EYA1: variants seen among roughly 807,000 people sequenced by gnomAD.
EYA1 encodes the protein protein phosphatase EYA1.
In EYA1, 16 loss-of-function variants were observed where a neutral mutation model predicts 82.0. The observed-to-expected ratio is 0.20, with a 90% confidence interval of 0.13 to 0.30. The LOEUF is 0.30. Among genes scored for constraint, EYA1 ranks in the 10% least tolerant of loss-of-function variants. The probability of loss-of-function intolerance (pLI) is 1.00; values close to 1 mark genes in which losing one functional copy is unlikely to be tolerated. For missense variants in EYA1, 633 were observed against 730.7 expected (o/e 0.87, Z 1.54); for synonymous variants, 261 against 264.4 (o/e 0.99, Z 0.12).
intron 17 of EYA1, 45 bp downstream of exon 17, chr8:71,211,111 C>T (rs778483766): frequency 6.5e-6 from 8 of 1,239,200 alleles, no homozygotes; most frequent in Non-Finnish European, 8.4e-6. Context: ...ATACTGAGGA[C>T]TGAAAAAACA....
chr8:71,390,337 C>A (rs929363610), intron 2 of EYA1, among the ~76,000 whole-genome samples: 4 of 151,062 alleles, frequency 2.6e-5, no homozygotes, highest in African/African-American at 9.8e-5. Flanking sequence ...GTGGCACAAT[C>A]AGAGCTCACT....
At chr8:71,350,803 C>G (rs548491635) in intron 3 of EYA1, among the ~76,000 whole-genome samples, 1 of 152,240 alleles carries the variant, frequency 6.6e-6, no homozygotes, top group South Asian at 2.1e-4. Context: ...TATGAACTGA[C>G]CAATCTTAAG....
chr8:71,496,453 G>A (rs1232504860), intron 2 of EYA1, among the ~76,000 whole-genome samples: 1 of 152,122 alleles, frequency 6.6e-6, no homozygotes, highest in Non-Finnish European at 1.5e-5. Flanking sequence ...AATTAACTAT[G>A]AGCTGTAATT....
chr8:71,393,882 A>G (rs1332012257), intron 2 of EYA1, among the ~76,000 whole-genome samples: 1 of 152,174 alleles, frequency 6.6e-6, no homozygotes, highest in African/African-American at 2.4e-5. Context: ...GTCTTCCACA[A>G]TGGTTGAACC....
chr8:71,393,755 C>T (rs575110735), intron 2 of EYA1, among the ~76,000 whole-genome samples: 1 of 152,266 alleles, frequency 6.6e-6, no homozygotes, highest in African/African-American at 2.4e-5. Context: ...AATAAACATA[C>T]GTGTGCATGT....
At chr8:71,515,030 A>G (rs556151117) in intron 2 of EYA1, among the ~76,000 whole-genome samples, 107 of 152,272 alleles carry the variant, frequency 7.0e-4, no homozygotes, top group Non-Finnish European at 1.2e-3. Context: ...CACTAAACCT[A>G]TCTCAGATCT....
At chr8:71,211,930 C>T (rs1378480846) in intron 16 of EYA1, among the ~76,000 whole-genome samples, 1 of 152,150 alleles carries the variant, frequency 6.6e-6, no homozygotes, top group Non-Finnish European at 1.5e-5. Flanking sequence ...GAAGCACTTT[C>T]CTGGAGGAAA....
At chr8:71,210,038 C>T (rs569494480) in intron 17 of EYA1, among the ~76,000 whole-genome samples, 5 of 152,146 alleles carry the variant, frequency 3.3e-5, no homozygotes, top group Non-Finnish European at 7.3e-5. Flanking sequence ...TATATCTAAT[C>T]CTCAAACTAG....
At chr8:71,341,274 C>T (rs2129053439) in intron 3 of EYA1, among the ~76,000 whole-genome samples, 1 of 152,248 alleles carries the variant, frequency 6.6e-6, no homozygotes, top group Admixed American at 6.5e-5. Context: ...TAAAGCAACA[C>T]AATTATGCTG....
intron 2 of EYA1, among the ~76,000 whole-genome samples, chr8:71,472,788 GATAT>G (rs71264559): frequency 1.1e-3 from 134 of 126,828 alleles, no homozygotes; most frequent in African/African-American, 3.4e-3. Flanking sequence ...TAGCTTTGAA[GATAT>G]ATATATATAT....
At chr8:71,536,391 G>A (rs992478660) in intron 1 of EYA1, among the ~76,000 whole-genome samples, 3 of 152,184 alleles carry the variant, frequency 2.0e-5, no homozygotes, top group African/African-American at 4.8e-5. Context: ...ACAGTTTCAC[G>A]GATGATCAAG....
At chr8:71,469,728 C>A (rs1809042842) in intron 2 of EYA1, among the ~76,000 whole-genome samples, 2 of 152,190 alleles carry the variant, frequency 1.3e-5, no homozygotes, top group African/African-American at 2.4e-5. Flanking sequence ...GCCAGATATG[C>A]AAATATGGGC....
At chr8:71,340,162 A>G (rs1172257316) in intron 3 of EYA1, among the ~76,000 whole-genome samples, 1 of 152,196 alleles carries the variant, frequency 6.6e-6, no homozygotes, top group Non-Finnish European at 1.5e-5. Context: ...TAGGGTCTTC[A>G]GCAGGTTCTT....
chr8:71,445,684 T>C (rs1806818614), intron 2 of EYA1, among the ~76,000 whole-genome samples: 1 of 152,234 alleles, frequency 6.6e-6, no homozygotes, highest in Non-Finnish European at 1.5e-5. Context: ...TCGCCCAGGC[T>C]GGAGTGTGCA....
chr8:71,234,512 C>T (rs1004504931), intron 12 of EYA1, among the ~76,000 whole-genome samples: 2 of 152,166 alleles, frequency 1.3e-5, no homozygotes, highest in Non-Finnish European at 2.9e-5. Context: ...CCTCATCTTA[C>T]TTGACTTTGG....
chr8:71,513,477 G>A (rs1251107604), intron 2 of EYA1, among the ~76,000 whole-genome samples: 32 of 151,924 alleles, frequency 2.1e-4, no homozygotes, highest in Non-Finnish European at 1.5e-5. Context: ...ATTTTTGTAG[G>A]TATATAGTAG....
intron 2 of EYA1, among the ~76,000 whole-genome samples, chr8:71,422,367 T>G (rs1260720514): frequency 6.6e-6 from 1 of 152,214 alleles, no homozygotes; most frequent in Non-Finnish European, 1.5e-5. Context: ...CATTGGTTAC[T>G]GATCTTTGGT....
intron 2 of EYA1, among the ~76,000 whole-genome samples, chr8:71,494,346 A>T (rs1188442906): frequency 6.6e-6 from 1 of 150,998 alleles, no homozygotes; most frequent in Non-Finnish European, 1.5e-5. Context: ...CAGTTTGCTT[A>T]TTTTTTTTTA....
At chr8:71,536,950 T>G (rs901870437) in intron 1 of EYA1, among the ~76,000 whole-genome samples, 5 of 152,242 alleles carry the variant, frequency 3.3e-5, no homozygotes, top group Admixed American at 6.5e-5. Context: ...AAATTTTAAA[T>G]GAATATCTTG....
Sources: gnomAD v4.1 joint callset for allele counts (sites outside exome capture counted in the v4.1 genomes callset) on GRCh38, gnomAD v4.1.1 for gene constraint, MANE v1.5 for transcripts, NCBI Gene and HGNC (gene_info 2026-07-23, HGNC 2026-07-21) for gene names.